ZNF790: variants seen among roughly 807,000 people sequenced by gnomAD.
The protein encoded by ZNF790 is zinc finger protein 790.
A neutral mutation model predicts 12.1 loss-of-function variants in ZNF790; 8 were observed. The observed-to-expected ratio is 0.66, with a 90% confidence interval of 0.39 to 1.19. The LOEUF (loss-of-function observed/expected upper bound fraction) is 1.19, where lower values mean the gene tolerates loss of function less well. Among genes scored for constraint, ZNF790 ranks in the 50% most tolerant of loss-of-function variants. The pLI is 0.01. For synonymous variants in ZNF790, 252 were observed against 244.3 expected, an observed-to-expected ratio of 1.03 and a Z score of -0.29; for missense variants, 707 against 752.2, an observed-to-expected ratio of 0.94 and a Z score of 0.70.
chr19:36,823,418 T>C (rs1477952075), intron 3 of ZNF790, 38 bp from the exon 4 acceptor site: 1 of 1,583,100 alleles, frequency 6.3e-7, no homozygotes, highest in Admixed American at 1.8e-5. Flanking sequence ...AACCACATTG[T>C]AAAGATTCTA....
chr19:36,847,888 C>T (rs1356340361), intron 1 of ZNF790, among the ~76,000 whole-genome samples: 1 of 152,094 alleles, frequency 6.6e-6, no homozygotes, highest in Non-Finnish European at 1.5e-5. Context: ...CATGTGGGGA[C>T]ACAGCATTCC....
chr19:36,819,777 C>A lies in ZNF790; in HGVS notation c.567G>T (p.Gln189His), dbSNP rs34051375. 5,529 of 1,612,838 alleles carry A rather than the reference C, an allele frequency of 3.4e-3. 206 individuals carry two copies. In the Admixed American group the frequency reaches 0.066, roughly 19 times the overall value. Reference protein sequence around the residue: ...FISGSDHTQHQLIHTSEKFCG... With the variant: ...FISGSDHTQHHLIHTSEKFCG... ...AGAATTTCTCACTTGTGTGAATTAACTGATGTTGAGTATGATCTGAACCAG... is the reference window on the plus strand; with the variant it reads ...AGAATTTCTCACTTGTGTGAATTAAATGATGTTGAGTATGATCTGAACCAG... The change falls in exon 5 of 5, where the codon CAG becomes CAT. Residue 189 changes from glutamine (Q) to histidine (H), a missense_variant. Transcript: ENST00000356725.
At chr19:36,847,172 G>C (rs1600676874) in intron 1 of ZNF790, among the ~76,000 whole-genome samples, 1 of 152,032 alleles carries the variant, frequency 6.6e-6, no homozygotes, top group African/African-American at 2.4e-5. Flanking sequence ...TGGCCAACAT[G>C]GTGAAACCCT....
intron 3 of ZNF790, 131 bp from the exon 4 acceptor site, chr19:36,823,511 T>C: frequency 5.6e-6 from 7 of 1,247,120 alleles, no homozygotes; most frequent in Non-Finnish European, 7.9e-6. Context: ...ATGGGAAAGA[T>C]GGAAGTGCCC....
At position 36,819,203 on chromosome 19, in the gene ZNF790, G is replaced by A; in HGVS notation, c.1141C>T (p.Leu381Phe). ...ACATGAACATTCTGATGTTGAGCAAGATTTGAACCACGAATAAAGGCTTTT... is the reference window on the plus strand; with the variant it reads ...ACATGAACATTCTGATGTTGAGCAAAATTTGAACCACGAATAAAGGCTTTT... ...CGKAFIRGSN[L>F]AQHQNVHVGR... Residue 381 changes from leucine (L) to phenylalanine (F), a missense_variant, in exon 5 of 5, where the codon CTT becomes TTT. By Grantham distance (22) the Leu-to-Phe change is conservative (BLOSUM62 0). Transcript: ENST00000356725. 6.2e-7 allele frequency: 1 copy of A among 1,614,052 alleles called. No individual in the cohort carries two copies. The highest frequency in any genetic ancestry group is 8.5e-7 in the Non-Finnish European group (1 of 1,180,008).
At position 36,823,688 on chromosome 19, in the gene ZNF790, A is replaced by T; in HGVS notation, c.112T>A (p.Tyr38Asn). 2.5e-6 allele frequency: 4 copies of T among 1,610,064 alleles called. No individual in the cohort carries two copies. The highest frequency in any genetic ancestry group is 3.4e-6 in the Non-Finnish European group (4 of 1,179,154). The change falls in exon 3 of 5, where the codon TAC (tyrosine) becomes AAC (asparagine). Residue 38 changes from tyrosine to asparagine, a missense_variant. Tyr to Asn is a moderately radical substitution (Grantham distance 143). Coordinates refer to ENST00000356725, the MANE Select transcript of ZNF790 (RefSeq NM_206894.4). ...TTACCCAGTGAGACCATGTTGCTGT[A>T]GTTCTCCAACATCACATCTCTATAT... is the stretch of plus-strand genomic sequence containing the variant. Reference protein sequence around the residue: ...DLYRDVMLENYSNMVSLGFCI... With the variant: ...DLYRDVMLENNSNMVSLGFCI...
chr19:36,826,706 A>G (rs2071811461), intron 1 of ZNF790, among the ~76,000 whole-genome samples: 1 of 150,524 alleles, frequency 6.6e-6, no homozygotes. Context: ...TCAGATAAAT[A>G]AGTTGCAAGA....
Position 36,817,759 on chromosome 19 carries a change from T to A in ZNF790, c.*674A>T, listed in dbSNP as rs2071579683. ...TTTTCTAGATTAATTACATGATTTT[T>A]GTGGAAATACAACAGAATTTTGCTA... is the stretch of plus-strand genomic sequence containing the variant. On this transcript the variant is annotated 3_prime_UTR_variant, in exon 5 of 5. Transcript: ENST00000356725. The A allele has an allele frequency of 6.6e-6, 1 of 152,230 alleles. No individual in the cohort carries two copies. The highest frequency in any genetic ancestry group is 2.4e-5 in the African/African-American group (1 of 41,468). The allele number at this position is 152,230 out of a possible 1,614,324, so 9.4% of individuals were successfully genotyped here.
At chr19:36,833,298 A>G (rs1216772324) in intron 1 of ZNF790, among the ~76,000 whole-genome samples, 1 of 152,182 alleles carries the variant, frequency 6.6e-6, no homozygotes, top group East Asian at 1.9e-4. Context: ...ACCAGCCATC[A>G]TGCCCAGCTA....
chr19:36,832,494 A>G (rs2071961978), intron 1 of ZNF790, among the ~76,000 whole-genome samples: 1 of 152,118 alleles, frequency 6.6e-6, no homozygotes, highest in African/African-American at 2.4e-5. Flanking sequence ...TCACAGGGAC[A>G]CTTAAGAAAC....
intron 1 of ZNF790, among the ~76,000 whole-genome samples, chr19:36,827,074 G>C (rs140865116): frequency 1.1e-4 from 15 of 136,660 alleles, no homozygotes; most frequent in Admixed American, 8.1e-4. Context: ...TGTGTTGTGT[G>C]TGTATGTGTG....
At chr19:36,844,478 A>G (rs1262700998) in intron 1 of ZNF790, among the ~76,000 whole-genome samples, 2 of 152,114 alleles carry the variant, frequency 1.3e-5, no homozygotes, top group African/African-American at 4.8e-5. Flanking sequence ...AATTACACCA[A>G]AGAACTAGTG....
chr19:36,825,603 C>T lies in ZNF790; in HGVS notation c.9+8G>A, dbSNP rs1297555076. ...TTATATTTTTGGAGAGAGGCAATTC[C>T]AACTCACATGGGCCATGACTTAACA... On this transcript the variant is annotated splice_region_variant and intron_variant, in intron 2 of 4. Coordinates refer to ENST00000356725, the MANE Select transcript of ZNF790 (RefSeq NM_206894.4). 6.2e-7 allele frequency: 1 copy of T among 1,613,792 alleles called. No homozygotes were observed. Among genetic ancestry groups the T allele is most frequent in the Admixed American group, 1.7e-5 (1 of 59,984 alleles).
chr19:36,850,156 G>A (rs1258445970), exon 1 of ZNF790: 1 of 152,318 alleles, frequency 6.6e-6, no homozygotes, highest in Non-Finnish European at 1.5e-5. Flanking sequence ...CCAGCGTTAA[G>A]TGGAATTCCA....
chr19:36,832,124 AAT>A (rs1226524433), intron 1 of ZNF790, among the ~76,000 whole-genome samples: 1 of 152,220 alleles, frequency 6.6e-6, no homozygotes, highest in East Asian at 1.9e-4. Flanking sequence ...CAACTTAGGA[AAT>A]ACTGTTGACA....
At chr19:36,829,651 T>C (rs906294586) in intron 1 of ZNF790, among the ~76,000 whole-genome samples, 1 of 152,180 alleles carries the variant, frequency 6.6e-6, no homozygotes, top group African/African-American at 2.4e-5. Flanking sequence ...CACCACAACC[T>C]CCACCTCTGG....
chr19:36,823,225 G>A, intron 4 of ZNF790, 60 bp downstream of exon 4: 4 of 1,449,008 alleles, frequency 2.8e-6, no homozygotes, highest in East Asian at 2.3e-5. Context: ...CTGCCTCACT[G>A]TGCAGCTGAG....
chr19:36,823,719 C>T lies in ZNF790; in HGVS notation c.81G>A (p.Arg27=). 6.2e-7 allele frequency: 1 copy of T among 1,613,646 alleles called. No homozygotes were observed. Among genetic ancestry groups the T allele is most frequent in the South Asian group, 1.1e-5 (1 of 90,964 alleles). ...EEWECLDLEQ[R]DLYRDVMLEN... ...CCAACATCACATCTCTATATAAATC[C>T]CTCTGTTCCAGGTCCAGGCACTCCC... Residue 27 remains arginine (R), a synonymous_variant, in exon 3 of 5, where the codon AGG becomes AGA. Coordinates refer to ENST00000356725, the MANE Select transcript of ZNF790 (RefSeq NM_206894.4).
chr19:36,837,246 A>G (rs2072064510), intron 1 of ZNF790, among the ~76,000 whole-genome samples: 1 of 152,216 alleles, frequency 6.6e-6, no homozygotes, highest in Non-Finnish European at 1.5e-5. Context: ...AATGGAATTC[A>G]TAATTCATTA....
Sources: gnomAD v4.1 joint callset for allele counts (sites outside exome capture counted in the v4.1 genomes callset) on GRCh38, gnomAD v4.1.1 for gene constraint, MANE v1.5 for transcripts, NCBI Gene and HGNC (gene_info 2026-07-23, HGNC 2026-07-21) for gene names.